Variants in MAP3K13 observed in about 807,000 individuals in gnomAD.
MAP3K13 encodes the protein leucine zipper-bearing kinase.
MAP3K13 carries 52 observed loss-of-function variants against 104.0 expected under a neutral mutation model. That is an observed-to-expected ratio of 0.50 (90% confidence interval 0.40 to 0.63). The LOEUF (loss-of-function observed/expected upper bound fraction) is 0.63, where lower values mean the gene tolerates loss of function less well. Ranked by LOEUF, MAP3K13 falls within the 20% of genes least tolerant of loss-of-function variation. The pLI, the probability that MAP3K13 is intolerant of heterozygous loss-of-function variation, is 0.00. For missense variants in MAP3K13, 914 were observed against 1,218.5 expected (o/e 0.75, Z 3.72); for synonymous variants, 394 against 442.2 (o/e 0.89, Z 1.37).
intron 1 of MAP3K13, among the ~76,000 whole-genome samples, chr3:185,378,832 T>C (rs1281662549): frequency 6.6e-6 from 1 of 152,136 alleles, no homozygotes; most frequent in East Asian, 1.9e-4. Flanking sequence ...TATCTAGGTC[T>C]TGTAGGATGG....
chr3:185,285,515 A>T (rs1180989564), intron 1 of MAP3K13: 3 of 993,380 alleles, frequency 3.0e-6, no homozygotes, highest in Admixed American at 2.2e-5. Flanking sequence ...TGAGGTTTTT[A>T]GTTTTGCAGA....
chr3:185,386,801 T>C (rs180727881), intron 1 of MAP3K13, among the ~76,000 whole-genome samples: 76 of 152,188 alleles, frequency 5.0e-4, no homozygotes, highest in African/African-American at 1.8e-3. Flanking sequence ...AATGCAGGAA[T>C]AGAAAACCAA....
intron 2 of MAP3K13, among the ~76,000 whole-genome samples, chr3:185,335,026 C>T (rs1722429628): frequency 1.4e-5 from 2 of 142,340 alleles, no homozygotes; most frequent in Admixed American, 7.2e-5. Context: ...AAACATAGAA[C>T]CAGAAACCTT....
chr3:185,351,080 GC>G (rs1431686737), intron 2 of MAP3K13, among the ~76,000 whole-genome samples: 2 of 152,174 alleles, frequency 1.3e-5, no homozygotes, highest in Admixed American at 1.3e-4. Flanking sequence ...GGAGCTGGAG[GC>G]CATTATCCTA....
chr3:185,367,557 G>T (rs1723947619), intron 1 of MAP3K13, among the ~76,000 whole-genome samples: 1 of 152,134 alleles, frequency 6.6e-6, no homozygotes. Context: ...ATATGTTAAA[G>T]AGGAGGAGCT....
intron 1 of MAP3K13, among the ~76,000 whole-genome samples, chr3:185,373,029 A>G (rs1478304337): frequency 6.6e-6 from 1 of 152,152 alleles, no homozygotes; most frequent in Non-Finnish European, 1.5e-5. Context: ...CTTTACATTG[A>G]CAAATAGTTA....
Position 185,454,767 on chromosome 3 carries a change from CAT to C in MAP3K13, c.1278+3379_1278+3380del, listed in dbSNP as rs1489912547. 3.0e-4 allele frequency among the ~76,000 whole-genome samples: 21 copies of C among 70,698 alleles called. 3 individuals are homozygous for C. The highest frequency in any genetic ancestry group is 1.1e-3 in the African/African-American group (19 of 17,918). The allele number at this position is 70,698 out of a possible 152,430, so 46.4% of individuals were successfully genotyped here. On this transcript the variant is annotated intron_variant, in intron 7 of 13. Coordinates refer to ENST00000265026, the MANE Select transcript of MAP3K13 (RefSeq NM_004721.5). ...TATCATATATATGAGATATATATGA[CAT>C]ATATATGAGATATATACATGATATA...
At position 185,487,329 on chromosome 3, in the gene MAP3K13, A is replaced by AG. The variant is rs1277796402; in HGVS notation, c.*4873_*4874insG. The stretch of plus-strand genomic sequence containing the variant: ...ACAGGTGTGTGCCACCATGCACAAC[A>AG]ATTTTTTTTTTTTTTTTGTAGAGAT... On this transcript the variant is annotated 3_prime_UTR_variant, in exon 14 of 14. Transcript: ENST00000265026. 133 of 150,032 alleles carry AG rather than the reference A, an allele frequency of 8.9e-4. No homozygotes were observed. Among genetic ancestry groups the AG allele is most frequent in the African/African-American group, 3.2e-3 (128 of 40,212 alleles). The allele number at this position is 150,032 out of a possible 1,614,324, so 9.3% of individuals were successfully genotyped here. A position where few individuals can be genotyped will look rare whatever the true frequency, so the allele number is the denominator to read the frequency against.
At chr3:185,468,147 G>A (rs531268705) in intron 10 of MAP3K13, among the ~76,000 whole-genome samples, 12 of 152,142 alleles carry the variant, frequency 7.9e-5, no homozygotes, top group Admixed American at 2.0e-4. Flanking sequence ...CAACAGTAGG[G>A]ATTACAATCC....
At chr3:185,459,472 A>T (rs754646234) in intron 7 of MAP3K13, among the ~76,000 whole-genome samples, 6 of 152,018 alleles carry the variant, frequency 3.9e-5, no homozygotes, top group Non-Finnish European at 7.4e-5. Flanking sequence ...TTTGAGACAG[A>T]GTTTCGCTCT....
At chr3:185,358,193 G>C (rs1167976095), upstream of MAP3K13, among the ~76,000 whole-genome samples, 1 of 152,120 alleles carries the variant, frequency 6.6e-6, no homozygotes, top group Non-Finnish European at 1.5e-5. Flanking sequence ...TTATTTTAAA[G>C]CATATGAATT....
intron 1 of MAP3K13, among the ~76,000 whole-genome samples, chr3:185,383,541 G>A (rs1447743525): frequency 7.0e-5 from 10 of 143,732 alleles, no homozygotes; most frequent in African/African-American, 2.6e-4. Flanking sequence ...CAGCCTGGGC[G>A]ACAGAGTGAG....
At chr3:185,337,362 A>G (rs997339916) in intron 2 of MAP3K13, among the ~76,000 whole-genome samples, 1 of 152,248 alleles carries the variant, frequency 6.6e-6, no homozygotes, top group African/African-American at 2.4e-5. Context: ...ACACTCACAG[A>G]ACACCTGGAA....
At chr3:185,472,920 C>T in intron 10 of MAP3K13, 55 bp from the exon 11 acceptor site, 1 of 1,516,078 alleles carries the variant, frequency 6.6e-7, no homozygotes, top group Non-Finnish European at 9.0e-7. Context: ...ATACATTTCC[C>T]CAAACTTGAA....
intron 2 of MAP3K13, among the ~76,000 whole-genome samples, chr3:185,290,490 G>C (rs1229420383): frequency 6.6e-6 from 1 of 152,168 alleles, no homozygotes; most frequent in Non-Finnish European, 1.5e-5. Flanking sequence ...TGAAGTGAAA[G>C]ATTGTGACAT....
chr3:185,431,134 C>G (rs1000726254), intron 2 of MAP3K13, among the ~76,000 whole-genome samples: 4 of 152,178 alleles, frequency 2.6e-5, no homozygotes, highest in African/African-American at 9.7e-5. Flanking sequence ...CCCCATGATC[C>G]AATCACCTCC....
chr3:185,400,905 G>GTTTTTTTTTTTTTTTTGTTTTTTTTTTT (rs1712763358), intron 1 of MAP3K13, among the ~76,000 whole-genome samples: 1 of 107,292 alleles, frequency 9.3e-6, no homozygotes, highest in Non-Finnish European at 1.8e-5. Flanking sequence ...GTGTTTGTTT[G>GTTTTTTTTTTTTTTTTGTTTTTTTTTTT]TTTTTTTTTT....
At chr3:185,365,263 G>A (rs1723816072) in intron 1 of MAP3K13, among the ~76,000 whole-genome samples, 1 of 152,046 alleles carries the variant, frequency 6.6e-6, no homozygotes, top group African/African-American at 2.4e-5. Context: ...ACTCTTAATT[G>A]TTTAATATCA....
At position 185,454,390 on chromosome 3, in the gene MAP3K13, TATATATGAGATATATATATGAG is replaced by T. The variant is rs1716144572; in HGVS notation, c.1278+3013_1278+3034del. Among the ~76,000 whole-genome samples, 4 of 12,294 alleles carry T rather than the reference TATATATGAGATATATATATGAG, an allele frequency of 3.3e-4. 2 individuals are homozygous for T. The South Asian group carries it at 0.015, about 47-fold the overall frequency. 8.1% of individuals were successfully genotyped at this position (12,294 alleles called of 152,430 possible). A position where few individuals can be genotyped will look rare whatever the true frequency, so the allele number is the denominator to read the frequency against. The stretch of plus-strand genomic sequence containing the variant: ...AGATATATATATGAGATATATGAGA[TATATATGAGATATATATATGAG>T]ATATATGAGATATATATGATATATA... On this transcript the variant is annotated intron_variant, in intron 7 of 13. Coordinates refer to ENST00000265026, the MANE Select transcript of MAP3K13 (RefSeq NM_004721.5).
Sources: gnomAD v4.1 joint callset for allele counts (sites outside exome capture counted in the v4.1 genomes callset) on GRCh38, gnomAD v4.1.1 for gene constraint, MANE v1.5 for transcripts, NCBI Gene and HGNC (gene_info 2026-07-23, HGNC 2026-07-21) for gene names.